Variants in FMNL2 observed in about 807,000 individuals in gnomAD.
FMNL2 encodes formin-like protein 2.
Under a neutral mutation model 130.2 loss-of-function variants are expected in FMNL2, and 51 were observed. The ratio of observed to expected loss-of-function variants is 0.39; its 90% confidence interval spans 0.31 to 0.49. FMNL2 has a LOEUF of 0.49. FMNL2 is among the 20% of genes least tolerant of loss of function. The pLI is 0.85. For synonymous variants in FMNL2, 465 were observed against 467.1 expected (o/e 1.00, Z 0.06); for missense variants, 977 against 1,316.2 (o/e 0.74, Z 3.99).
In FMNL2 at chr2:152,619,123, C is replaced by G; in HGVS notation, c.1592C>G (p.Pro531Arg). ...TCAGGACCCTTGCCCCCTCCTCCAC[C>G]ACCACTGCCTCCCTCATCAGACACA... ...ASSGPLPPPPPPLPPSSDTPE... is the reference protein window; with the variant it reads ...ASSGPLPPPPRPLPPSSDTPE... The change falls in exon 14 of 26, where the codon CCA becomes CGA. Residue 531 changes from proline (P) to arginine (R), a missense_variant. Pro to Arg is a moderately radical substitution (Grantham distance 103, BLOSUM62 -2). Around this residue, in one of 4 missense-constraint regions of FMNL2, gnomAD observed 689 missense variants for 995.9 expected, o/e 0.69. Transcript: ENST00000288670. 1 of 1,595,920 alleles carries G rather than the reference C, an allele frequency of 6.3e-7. No homozygotes were observed. Among genetic ancestry groups the G allele is most frequent in the Non-Finnish European group, 8.5e-7 (1 of 1,169,734 alleles).
intron 20 of FMNL2, 63 bp from the exon 21 acceptor site, chr2:152,631,945 G>A (rs1682198640): frequency 7.2e-6 from 11 of 1,535,116 alleles, no homozygotes; most frequent in East Asian, 2.3e-5. Context: ...ATCGTCACCT[G>A]AGGGGTAAGT....
intron 1 of FMNL2, among the ~76,000 whole-genome samples, chr2:152,346,255 C>T (rs1682117258): frequency 6.6e-6 from 1 of 152,094 alleles, no homozygotes; most frequent in Non-Finnish European, 1.5e-5. Flanking sequence ...GAACTCCCAA[C>T]CTCAGGTGAT....
At chr2:152,614,751 AC>A (rs1241172119) in intron 11 of FMNL2, 99 bp from the exon 12 acceptor site, 3 of 1,346,258 alleles carry the variant, frequency 2.2e-6, no homozygotes, top group Non-Finnish European at 3.0e-6. Context: ...TCAAAACAAA[AC>A]AAAACAAAAC....
At chr2:152,631,844 T>C (rs1682192398) in intron 20 of FMNL2, among the ~76,000 whole-genome samples, 164 bp from the exon 21 acceptor site, 1 of 152,170 alleles carries the variant, frequency 6.6e-6, no homozygotes, top group African/African-American at 2.4e-5. Context: ...ATGGACTGGT[T>C]CACTAAGGAA....
intron 1 of FMNL2, among the ~76,000 whole-genome samples, chr2:152,383,273 CT>C (rs35206829): frequency 0.036 from 3,508 of 97,598 alleles, 82 homozygotes; most frequent in African/African-American, 0.11. Flanking sequence ...TCCGTTAATC[CT>C]TTTTTTTTTT....
Position 152,476,317 on chromosome 2 carries a change from T to G in FMNL2, c.118-45626T>G, listed in dbSNP as rs369045857. On this transcript the variant is annotated intron_variant, in intron 1 of 25. Transcript: ENST00000288670. The stretch of plus-strand genomic sequence containing the variant: ...TATGTTTACTATTTGATTATATGCT[T>G]TAACCATTTATGTTTGGTTTCTATT... Among the ~76,000 whole-genome samples, 46 of 152,360 alleles carry G rather than the reference T, an allele frequency of 3.0e-4. 1 individual carries two copies. The highest frequency in any genetic ancestry group is 1.1e-3 in the African/African-American group (46 of 41,584).
chr2:152,568,223 T>TTTTGTTTTTGTTTTGTTTTTG (rs1553478446), intron 6 of FMNL2, among the ~76,000 whole-genome samples: 9 of 132,278 alleles, frequency 6.8e-5, no homozygotes, highest in Admixed American at 5.3e-4. Context: ...GGTGGGTTTT[T>TTTTGTTTTTGTTTTGTTTTTG]TTTTTTTTTT....
intron 1 of FMNL2, among the ~76,000 whole-genome samples, chr2:152,490,031 A>G (rs1394964270): frequency 6.6e-6 from 1 of 152,258 alleles, no homozygotes; most frequent in East Asian, 1.9e-4. Flanking sequence ...CTTAAGTATT[A>G]GCAAAGAAAA....
At position 152,626,517 on chromosome 2, in the gene FMNL2, T is replaced by A; in HGVS notation, c.1963-8T>A. 3 of 1,591,614 alleles carry A rather than the reference T, an allele frequency of 1.9e-6. No individual in the cohort carries two copies. The highest frequency in any genetic ancestry group is 2.6e-6 in the Non-Finnish European group (3 of 1,168,184). ...CCAATTTTCCATGGTCATTCCTCTC[T>A]ATCTTAGGATTTAAATGTGGATGAA... On this transcript the variant is annotated splice_region_variant and splice_polypyrimidine_tract_variant and intron_variant, in intron 16 of 25. Transcript: ENST00000288670.
chr2:152,448,706 C>T (rs1012647726), intron 1 of FMNL2, among the ~76,000 whole-genome samples: 1 of 152,168 alleles, frequency 6.6e-6, no homozygotes, highest in African/African-American at 2.4e-5. Flanking sequence ...TCTCGTGAAG[C>T]CTTGCACCAT....
At chr2:152,590,604 A>G (rs1169231207) in intron 9 of FMNL2, among the ~76,000 whole-genome samples, 1 of 151,538 alleles carries the variant, frequency 6.6e-6, no homozygotes, top group African/African-American at 2.4e-5. Context: ...ACAGAGTAAG[A>G]CTCTGTCTTT....
chr2:152,389,984 A>G lies in FMNL2; in HGVS notation c.117+54264A>G, dbSNP rs1579548952. 2.1e-6 allele frequency: 3 copies of G among 1,447,142 alleles called. No individual in the cohort carries two copies. In the East Asian group the frequency reaches 7.0e-5, roughly 34 times the overall value. 89.6% of individuals were successfully genotyped at this position (1,447,142 alleles called of 1,614,324 possible). A position where few individuals can be genotyped will look rare whatever the true frequency, so the allele number is the denominator to read the frequency against. On this transcript the variant is annotated intron_variant, in intron 1 of 25. Coordinates refer to ENST00000288670, the MANE Select transcript of FMNL2 (RefSeq NM_052905.4). ...GGGCCCCAGATAAAGGCAGACAGGC[A>G]GAGAGGCTGCAGCTAGAGATTGACC... is the stretch of plus-strand genomic sequence containing the variant.
intron 1 of FMNL2, among the ~76,000 whole-genome samples, chr2:152,359,598 A>G (rs1455570253): frequency 1.3e-5 from 2 of 152,030 alleles, no homozygotes; most frequent in Admixed American, 1.3e-4. Context: ...GAGACAGAAC[A>G]TACAGAGGAT....
At chr2:152,478,250 A>ATT (rs869219736) in intron 1 of FMNL2, among the ~76,000 whole-genome samples, 78 of 92,108 alleles carry the variant, frequency 8.5e-4, no homozygotes, top group East Asian at 1.5e-3. Context: ...ATATATATAT[A>ATT]TTTTTTTTTT....
intron 1 of FMNL2, among the ~76,000 whole-genome samples, chr2:152,428,748 G>A (rs1005541531): frequency 1.3e-5 from 2 of 152,188 alleles, no homozygotes; most frequent in Non-Finnish European, 2.9e-5. Flanking sequence ...CTATAATTCT[G>A]TGATGTGGCT....
chr2:152,524,579 G>A (rs748130188), intron 2 of FMNL2, among the ~76,000 whole-genome samples: 1 of 152,202 alleles, frequency 6.6e-6, no homozygotes, highest in African/African-American at 2.4e-5. Context: ...ATTTTGTAGT[G>A]TGAGCGTAGA....
intron 1 of FMNL2, among the ~76,000 whole-genome samples, chr2:152,350,718 C>G (rs1682429857): frequency 6.6e-6 from 1 of 152,090 alleles, no homozygotes; most frequent in Non-Finnish European, 1.5e-5. Context: ...ATTTCCTTTA[C>G]AAAATTATTG....
intron 1 of FMNL2, among the ~76,000 whole-genome samples, chr2:152,439,723 C>T (rs1024940342): frequency 1.3e-5 from 2 of 151,008 alleles, no homozygotes; most frequent in African/African-American, 4.9e-5. Context: ...GTGCTGACTC[C>T]CCATACTGAT....
At chr2:152,350,901 C>T (rs1016489421) in intron 1 of FMNL2, among the ~76,000 whole-genome samples, 5 of 151,936 alleles carry the variant, frequency 3.3e-5, no homozygotes, top group African/African-American at 1.2e-4. Flanking sequence ...AAAAATCGGC[C>T]GGGTATGGTG....
Sources: allele counts gnomAD v4.1 joint callset (sites outside exome capture counted in the v4.1 genomes callset), GRCh38; gene constraint gnomAD v4.1.1; regional missense constraint gnomAD v4.1.1; transcripts MANE v1.5; gene names NCBI Gene and HGNC (gene_info 2026-07-23, HGNC 2026-07-21).